Variants in NSMAF observed in about 807,000 individuals in gnomAD.
NSMAF encodes the protein neutral sphingomyelinase activation associated factor, also known as protein FAN.
A neutral mutation model predicts 134.9 loss-of-function variants in NSMAF; 90 were observed. The ratio of observed to expected loss-of-function variants is 0.67; its 90% CI spans 0.56 to 0.79. NSMAF has a LOEUF of 0.79. NSMAF is among the 30% of genes least tolerant of loss of function. The pLI is 0.00. For synonymous variants in NSMAF, 358 were observed against 389.6 expected (o/e 0.92, Z 0.96); for missense variants, 1,010 against 1,119.0 (o/e 0.90, Z 1.39).
At chr8:58,623,304 A>G (rs1554576143) in intron 8 of NSMAF, 32 bp from the exon 9 acceptor site, 23 of 1,596,682 alleles carry the variant, frequency 1.4e-5, no homozygotes, top group Admixed American at 3.4e-5. Context: ...AAAAGTATTT[A>G]TAAGTATTTA....
At chr8:58,653,647 T>C (rs1807636840) in intron 1 of NSMAF, among the ~76,000 whole-genome samples, 1 of 152,052 alleles carries the variant, frequency 6.6e-6, no homozygotes, top group Non-Finnish European at 1.5e-5. Context: ...ACTTACTGAA[T>C]ACAAGTTAAA....
intron 13 of NSMAF, 124 bp downstream of exon 13, chr8:58,603,086 A>G: frequency 1.1e-6 from 1 of 923,252 alleles, no homozygotes; most frequent in Non-Finnish European, 1.7e-6. Flanking sequence ...TACAACTGAA[A>G]TGAGTTGTAA....
At chr8:58,633,164 G>A (rs192647496) in intron 5 of NSMAF, among the ~76,000 whole-genome samples, 1 of 152,200 alleles carries the variant, frequency 6.6e-6, no homozygotes, top group East Asian at 1.9e-4. Context: ...TTTATTCTAA[G>A]TCCTTACCTT....
rs1170323346 is a variant in NSMAF at position 58,591,117 on chromosome 8, T to A, written c.1952-183A>T. 3 of 532,596 alleles carry A rather than the reference T, an allele frequency of 5.6e-6. No individual in the cohort carries two copies. In the African/African-American group the frequency reaches 5.9e-5, roughly 10 times the overall value. 33.0% of individuals were successfully genotyped at this position (532,596 alleles called of 1,614,324 possible). A position where few individuals can be genotyped will look rare whatever the true frequency, so the allele number is the denominator to read the frequency against. On this transcript the variant is annotated intron_variant, in intron 23 of 30. Coordinates refer to ENST00000038176, the MANE Select transcript of NSMAF (RefSeq NM_003580.4). ...CTAAGGCCTCATCCAACATTAAGAT[T>A]CTATGACCTGTAACCCCATGACAAA...
intron 3 of NSMAF, 30 bp downstream of exon 3, chr8:58,635,438 T>G: frequency 1.3e-6 from 2 of 1,566,108 alleles, no homozygotes; most frequent in Non-Finnish European, 1.7e-6. Context: ...AAAATAGGAA[T>G]GTTTCTGTTC....
At chr8:58,601,139 A>G (rs570532394) in intron 16 of NSMAF, 146 bp downstream of exon 16, 31 of 673,820 alleles carry the variant, frequency 4.6e-5, no homozygotes, top group African/African-American at 4.5e-4. Flanking sequence ...ACATGTCTAG[A>G]AAAAGCCTGA....
Position 58,590,018 on chromosome 8 carries a change from C to G in NSMAF, c.2076G>C (p.Trp692Cys), listed in dbSNP as rs1805985739. 2 of 1,613,466 alleles carry G rather than the reference C, an allele frequency of 1.2e-6. No individual in the cohort carries two copies. Among genetic ancestry groups the G allele is most frequent in the Non-Finnish European group, 1.7e-6 (2 of 1,179,476 alleles). The change falls in exon 25 of 31, where the codon TGG (tryptophan) becomes TGC (cysteine). Residue 692 changes from tryptophan to cysteine, a missense_variant. Trp to Cys is a radical substitution (Grantham distance 215). Coordinates refer to ENST00000038176, the MANE Select transcript of NSMAF (RefSeq NM_003580.4). ...PGDATVITSS[W>C]DNNVYFYSIA... The stretch of plus-strand genomic sequence containing the variant: ...GCACAGATACATACACATTATTATC[C>G]CATGAAGAAGTTATGACAGTGGCAT...
intron 23 of NSMAF, among the ~76,000 whole-genome samples, chr8:58,591,518 ACT>A (rs1257499077): frequency 1.7e-5 from 2 of 119,574 alleles, no homozygotes; most frequent in East Asian, 2.3e-4. Flanking sequence ...ACACAGTATC[ACT>A]CTGTTGCCCA....
At chr8:58,645,870 C>G (rs1807439470) in intron 1 of NSMAF, among the ~76,000 whole-genome samples, 1 of 152,006 alleles carries the variant, frequency 6.6e-6, no homozygotes, top group South Asian at 2.1e-4. Context: ...GTGAAACCAC[C>G]TCTCTACTAA....
At chr8:58,589,763 G>T in intron 25 of NSMAF, 188 bp from the exon 26 acceptor site, 1 of 679,584 alleles carries the variant, frequency 1.5e-6, no homozygotes, top group Non-Finnish European at 2.3e-6. Flanking sequence ...AAATTTCCAT[G>T]TCTGGCTCAT....
At chr8:58,592,020 C>T (rs993436721) in intron 23 of NSMAF, among the ~76,000 whole-genome samples, 4 of 152,200 alleles carry the variant, frequency 2.6e-5, no homozygotes, top group Admixed American at 2.0e-4. Flanking sequence ...ATAAGATATT[C>T]TTCAGCATTA....
At chr8:58,618,518 TTATGATACC>T (rs1402379750) in intron 9 of NSMAF, among the ~76,000 whole-genome samples, 9 of 152,014 alleles carry the variant, frequency 5.9e-5, no homozygotes, top group African/African-American at 2.2e-4. Context: ...GGGAGAAGTG[TTATGATACC>T]TCAGAATTTA....
intron 6 of NSMAF, among the ~76,000 whole-genome samples, chr8:58,625,907 A>AT (rs1444340048): frequency 6.6e-6 from 1 of 150,386 alleles, no homozygotes; most frequent in African/African-American, 2.5e-5. Context: ...TTTCCTCCTC[A>AT]TTTTTTTTAA....
intron 13 of NSMAF, 52 bp from the exon 14 acceptor site, chr8:58,602,189 C>T: frequency 7.2e-7 from 1 of 1,391,104 alleles, no homozygotes. Flanking sequence ...TACCATTAAC[C>T]TCCTGAATTA....
intron 6 of NSMAF, among the ~76,000 whole-genome samples, chr8:58,626,115 G>A (rs1459615192): frequency 4.6e-5 from 4 of 86,416 alleles, no homozygotes; most frequent in Non-Finnish European, 8.4e-5. Flanking sequence ...TTTTTTTTGA[G>A]ATGGAGTCTC....
intron 1 of NSMAF, among the ~76,000 whole-genome samples, chr8:58,649,053 A>C (rs918866309): frequency 3.9e-5 from 6 of 152,148 alleles, no homozygotes; most frequent in Non-Finnish European, 2.9e-5. Flanking sequence ...CTGGCACTCA[A>C]CTCCAACCTG....
chr8:58,653,131 A>G (rs752235775), intron 1 of NSMAF, among the ~76,000 whole-genome samples: 1 of 145,112 alleles, frequency 6.9e-6, no homozygotes, highest in Non-Finnish European at 1.5e-5. Flanking sequence ...GGTAGAGAGG[A>G]GAGTAAAGAT....
At chr8:58,602,019 CG>C in intron 14 of NSMAF, 38 bp downstream of exon 14, 3 of 1,499,950 alleles carry the variant, frequency 2.0e-6, no homozygotes, top group Non-Finnish European at 2.8e-6. Flanking sequence ...CATGGCTTCT[CG>C]TGTTGCTTAG....
At chr8:58,624,350 A>T (rs966470803) in intron 6 of NSMAF, among the ~76,000 whole-genome samples, 1 of 151,894 alleles carries the variant, frequency 6.6e-6, no homozygotes, top group African/African-American at 2.4e-5. Flanking sequence ...CCTGGCCTAG[A>T]GTTAGGATTT....
Sources: allele counts gnomAD v4.1 joint callset (sites outside exome capture counted in the v4.1 genomes callset), GRCh38; gene constraint gnomAD v4.1.1; transcripts MANE v1.5; gene names NCBI Gene and HGNC (gene_info 2026-07-23, HGNC 2026-07-21).